AMBP: variants seen among roughly 807,000 people sequenced by gnomAD.
AMBP encodes the protein protein AMBP.
A neutral mutation model predicts 46.3 loss-of-function variants in AMBP; 37 were observed. The observed-to-expected ratio is 0.80, with a 90% confidence interval of 0.61 to 1.05. AMBP has a LOEUF of 1.05. Ranked by LOEUF, AMBP falls within the 50% of genes least tolerant of loss-of-function variation. The pLI is 0.00. For synonymous variants in AMBP, 174 were observed against 175.9 expected (o/e 0.99, Z 0.09); for missense variants, 475 against 461.2 (o/e 1.03, Z -0.27).
At chr9:114,067,787 C>T (rs184647727) in intron 6 of AMBP, among the ~76,000 whole-genome samples, 1 of 151,914 alleles carries the variant, frequency 6.6e-6, no homozygotes, top group Non-Finnish European at 1.5e-5. Flanking sequence ...GACTGTTGCA[C>T]CCAAGCAAAA....
chr9:114,078,136 G>C lies in AMBP; in HGVS notation c.74C>G (p.Pro25Arg). 6.2e-7 allele frequency: 1 copy of C among 1,613,804 alleles called. No homozygotes were observed. The highest frequency in any genetic ancestry group is 2.2e-5 in the East Asian group (1 of 44,864). ...LAVSAGPVPT[P>R]PDNIQVQENF... is the part of the protein sequence containing the mutation. Reference sequence around the variant, plus strand: ...TTCCTGCACTTGGATGTTGTCGGGCGGCGTTGGCACAGGGCCAGCGCTCAC... The same window carrying C: ...TTCCTGCACTTGGATGTTGTCGGGCCGCGTTGGCACAGGGCCAGCGCTCAC... The change falls in exon 1 of 10, where the codon CCG (proline) becomes CGG (arginine). Residue 25 changes from proline to arginine, a missense_variant. This residue lies in a region of AMBP where 179 missense variants were observed against 167.4 expected (regional missense o/e 1.07). Coordinates refer to ENST00000265132, the MANE Select transcript of AMBP (RefSeq NM_001633.4).
At chr9:114,072,871 GC>G (rs1846759992) in intron 5 of AMBP, 53 bp downstream of exon 5, 2 of 1,545,152 alleles carry the variant, frequency 1.3e-6, no homozygotes, top group African/African-American at 2.7e-5. Flanking sequence ...GGTCTCTGGC[GC>G]CCACAAGGGA....
At chr9:114,066,376 C>CGTGTGTGT (rs55940547) in intron 6 of AMBP, among the ~76,000 whole-genome samples, 24,757 of 141,120 alleles carry the variant, frequency 0.18, 2,411 homozygotes, top group Non-Finnish European at 0.21. Context: ...TTTATGTGCA[C>CGTGTGTGT]GTGTGTGTGT....
In AMBP at chr9:114,061,060, C is replaced by T. The variant is rs923578722; in HGVS notation, c.892G>A (p.Ala298Thr). 2 of 1,614,106 alleles carry T rather than the reference C, an allele frequency of 1.2e-6. No homozygotes were observed. The highest frequency in any genetic ancestry group is 1.7e-6 in the Non-Finnish European group (2 of 1,180,044). The change falls in exon 9 of 10, where the codon GCC (alanine) becomes ACC (threonine). Residue 298 changes from alanine to threonine, a missense_variant. Physicochemically the swap from Ala to Thr is moderately conservative, Grantham distance 58. Transcript: ENST00000265132. ...TCAAATGCCCAGAGCTGGATGAAGGCTCGGCAGGGGCCCCGGACTATGGGG... is the reference window on the plus strand; with the variant it reads ...TCAAATGCCCAGAGCTGGATGAAGGTTCGGCAGGGGCCCCGGACTATGGGG... ...NLPIVRGPCR[A>T]FIQLWAFDAV...
At chr9:114,071,066 G>A (rs1290178982) in intron 5 of AMBP, among the ~76,000 whole-genome samples, 1 of 152,186 alleles carries the variant, frequency 6.6e-6, no homozygotes, top group African/African-American at 2.4e-5. Context: ...GGGTGTGGCT[G>A]GGGCTGCACA....
rs142697379 is a variant in AMBP at position 114,068,416 on chromosome 9, A to G, written c.603+1283T>C. Among the ~76,000 whole-genome samples, 736 of 152,174 alleles carry G rather than the reference A, an allele frequency of 4.8e-3. 8 individuals are homozygous for G. The highest frequency in any genetic ancestry group is 0.015 in the African/African-American group (630 of 41,500). On this transcript the variant is annotated intron_variant, in intron 6 of 9. Transcript: ENST00000265132. Reference sequence around the variant, plus strand: ...GGAGTTCAAGACCAGCCTGGCCAACATGGCAAAACTCTGTCTCTACTGAAA... The same window carrying G: ...GGAGTTCAAGACCAGCCTGGCCAACGTGGCAAAACTCTGTCTCTACTGAAA...
intron 9 of AMBP, among the ~76,000 whole-genome samples, chr9:114,060,541 A>C (rs1377493917): frequency 1.3e-5 from 2 of 152,020 alleles, no homozygotes; most frequent in African/African-American, 4.8e-5. Flanking sequence ...TATTATTAGG[A>C]GCAGTTGCTG....
intron 6 of AMBP, among the ~76,000 whole-genome samples, chr9:114,064,863 C>A (rs1846678327): frequency 6.6e-6 from 1 of 152,220 alleles, no homozygotes; most frequent in African/African-American, 2.4e-5. Context: ...ATTTATTATT[C>A]TTCCTAATAC....
In AMBP at chr9:114,076,700, C is replaced by A; in HGVS notation, c.158G>T (p.Cys53Phe). ...KWYNLAIGST[C>F]PWLKKIMDRM... ...GTCCATGATCTTCTTCAGCCAGGGG[C>A]AGGTGGAACCGATGGCCAGGTTGTA... is the stretch of plus-strand genomic sequence containing the variant. The change falls in exon 2 of 10, where the codon TGC (cysteine) becomes TTC (phenylalanine). Residue 53 changes from cysteine to phenylalanine, a missense_variant. By Grantham distance (205) the Cys-to-Phe change is radical. This residue lies in a region of AMBP where 179 missense variants were observed against 167.4 expected (regional missense o/e 1.07). Transcript: ENST00000265132. 6.2e-7 allele frequency: 1 copy of A among 1,614,036 alleles called. No homozygotes were observed. Among genetic ancestry groups the A allele is most frequent in the Non-Finnish European group, 8.5e-7 (1 of 1,179,990 alleles).
rs1564370218 is a variant in AMBP, at chr9:114,060,916, G to GCTGC, written c.1027+5_1027+8dup. On this transcript the variant is annotated intron_variant, in intron 9 of 9. Transcript: ENST00000265132. ...TCGGCCCAGCCTGGCACCCTGCAGG[G>GCTGC]CTGCCTACCATCACCAGGGACACCG... 6.2e-7 allele frequency: 1 copy of GCTGC among 1,611,504 alleles called. No individual in the cohort carries two copies. The highest frequency in any genetic ancestry group is 2.2e-5 in the East Asian group (1 of 44,846).
In AMBP at chr9:114,078,112, T is replaced by G. The variant is rs1436595260; in HGVS notation, c.98A>C (p.Glu33Ala). The G allele has an allele frequency of 6.2e-7, 1 of 1,614,042 alleles. No homozygotes were observed. Among genetic ancestry groups the G allele is most frequent in the Non-Finnish European group, 8.5e-7 (1 of 1,180,044 alleles). The change falls in exon 1 of 10, where the codon GAA becomes GCA. Residue 33 changes from glutamate (E) to alanine (A), a missense_variant. By Grantham distance (107) the Glu-to-Ala change is moderately radical. This residue lies in a region of AMBP where 179 missense variants were observed against 167.4 expected (regional missense o/e 1.07). Transcript: ENST00000265132. ...PTPPDNIQVQ[E>A]NFNISRIYGK... ...CCTTACCCGAGAGATATTGAAGTTT[T>G]CCTGCACTTGGATGTTGTCGGGCGG...
At chr9:114,065,352 G>A (rs1000608576) in intron 6 of AMBP, among the ~76,000 whole-genome samples, 5 of 152,154 alleles carry the variant, frequency 3.3e-5, no homozygotes, top group Non-Finnish European at 7.4e-5. Context: ...GAAGATAAAG[G>A]TGGGAATTGG....
intron 5 of AMBP, 190 bp from the exon 6 acceptor site, chr9:114,069,935 C>T (rs1846727394): frequency 1.7e-6 from 1 of 595,118 alleles, no homozygotes; most frequent in Non-Finnish European, 3.0e-6. Context: ...GGTGGCTGCA[C>T]CATCATTACC....
In AMBP at chr9:114,075,031, C is replaced by T. The variant is rs1846790819; in HGVS notation, c.266G>A (p.Gly89Asp). The T allele has an allele frequency of 3.7e-6, 6 of 1,613,886 alleles. No homozygotes were observed. Among genetic ancestry groups the T allele is most frequent in the South Asian group, 2.2e-5 (2 of 91,076 alleles). The part of the protein sequence containing the change: ...ISMTSTRWRK[G>D]VCEETSGAYE... ...AGCTCCAGACGTCTCCTCACAGACA[C>T]CTTTCCTAGAAATGAACAAATCAAA... Residue 89 changes from glycine to aspartate, a missense_variant, in exon 3 of 10, where the codon GGT becomes GAT. Transcript: ENST00000265132.
intron 9 of AMBP, among the ~76,000 whole-genome samples, chr9:114,060,597 G>A (rs1386150578): frequency 6.6e-6 from 1 of 152,120 alleles, no homozygotes; most frequent in African/African-American, 2.4e-5. Flanking sequence ...AGGCTGGGAG[G>A]CAGGTGCTTT....
chr9:114,069,457 T>C (rs986765785), intron 6 of AMBP, among the ~76,000 whole-genome samples: 3 of 152,212 alleles, frequency 2.0e-5, no homozygotes, highest in African/African-American at 7.2e-5. Context: ...CAGAAGGTAA[T>C]TGTGATTATC....
intron 7 of AMBP, 85 bp downstream of exon 7, chr9:114,062,591 CT>C (rs1042350633): frequency 1.7e-5 from 23 of 1,341,824 alleles, no homozygotes; most frequent in Non-Finnish European, 2.2e-5. Context: ...AGAGACTGCA[CT>C]GATAAGAGTA....
At position 114,060,961 on chromosome 9, in the gene AMBP, T is replaced by G; in HGVS notation, c.991A>C (p.Lys331Gln). 1 of 1,614,168 alleles carries G rather than the reference T, an allele frequency of 6.2e-7. No individual in the cohort carries two copies. Among genetic ancestry groups the G allele is most frequent in the Non-Finnish European group, 8.5e-7 (1 of 1,179,996 alleles). ...ACACCGCAGTACTCTCTGCACTCCTTCTCTGAGTAGAACTTGTTCCCGTTG... is the reference window on the plus strand; with the variant it reads ...ACACCGCAGTACTCTCTGCACTCCTGCTCTGAGTAGAACTTGTTCCCGTTG... ...QGNGNKFYSE[K>Q]ECREYCGVPG... The change falls in exon 9 of 10, where the codon AAG (lysine) becomes CAG (glutamine). Residue 331 changes from lysine to glutamine, a missense_variant. Physicochemically the swap from Lys to Gln is moderately conservative, Grantham distance 53 (BLOSUM62 1). This residue lies in a region of AMBP where 293 missense variants were observed against 276.9 expected (regional missense o/e 1.06). Transcript: ENST00000265132.
At position 114,074,232 on chromosome 9, in the gene AMBP, C is replaced by T; in HGVS notation, c.338-80G>A. 5 of 1,025,510 alleles carry T rather than the reference C, an allele frequency of 4.9e-6. No homozygotes were observed. The South Asian group carries it at 6.7e-5, about 14-fold the overall frequency. The allele number at this position is 1,025,510 out of a possible 1,614,324, so 63.5% of individuals were successfully genotyped here. On this transcript the variant is annotated intron_variant, in intron 3 of 9. Transcript: ENST00000265132. ...GCTGGAGGTCCGTCACCTGTTTACT[C>T]ACACATCATCTCCTCATCCATCCAT...
Sources: allele counts gnomAD v4.1 joint callset (sites outside exome capture counted in the v4.1 genomes callset), GRCh38; gene constraint gnomAD v4.1.1; regional missense constraint gnomAD v4.1.1; transcripts MANE v1.5; gene names NCBI Gene and HGNC (gene_info 2026-07-23, HGNC 2026-07-21).